DARS1: variants seen among roughly 807,000 people sequenced by gnomAD.
The protein encoded by DARS1 is aspartate--tRNA ligase, cytoplasmic.
Under a neutral mutation model 68.8 loss-of-function variants are expected in DARS1, and 51 were observed. The ratio of observed to expected loss-of-function variants is 0.74; its 90% CI spans 0.59 to 0.94. The LOEUF (loss-of-function observed/expected upper bound fraction) is 0.94. Among genes scored for constraint, DARS1 ranks in the 40% least tolerant of loss-of-function variants. The pLI is 0.00. For missense variants in DARS1, 607 were observed against 597.3 expected (o/e 1.02, Z -0.17); for synonymous variants, 203 against 190.4 (o/e 1.07, Z -0.55).
At chr2:135,913,137 TTTTC>T (rs956553785) in intron 12 of DARS1, among the ~76,000 whole-genome samples, 1 of 152,076 alleles carries the variant, frequency 6.6e-6, no homozygotes, top group East Asian at 1.9e-4. Flanking sequence ...ATTTTTACTT[TTTTC>T]TTTGTTATTC....
rs1374960097 is a variant in DARS1 at position 135,933,913 on chromosome 2, T to C, written c.501A>G (p.Glu167=). The C allele has an allele frequency of 6.2e-7, 1 of 1,612,558 alleles. No homozygotes were observed. Among genetic ancestry groups the C allele is most frequent in the Non-Finnish European group, 8.5e-7 (1 of 1,179,054 alleles). The change falls in exon 6 of 16, where the codon GAA becomes GAG. Residue 167 remains glutamate, a synonymous_variant. Transcript: ENST00000264161. Reference sequence around the variant, plus strand: ...ATTTCATAAGTATAATTTTTACCTCTTCTCCTTCTGCCTCAGGCCGAACAG... The same window carrying C: ...ATTTCATAAGTATAATTTTTACCTCCTCTCCTTCTGCCTCAGGCCGAACAG... ...DDAVRPEAEG[E]EEGRATVNQD...
At chr2:135,937,842 G>T (rs1381801605) in intron 5 of DARS1, among the ~76,000 whole-genome samples, 3 of 152,214 alleles carry the variant, frequency 2.0e-5, no homozygotes, top group Non-Finnish European at 4.4e-5. Context: ...GGCTTGTAAA[G>T]TTTCTGCCGA....
intron 4 of DARS1, among the ~76,000 whole-genome samples, chr2:135,954,247 G>C (rs1681910823): frequency 7.1e-6 from 1 of 140,972 alleles, no homozygotes; most frequent in Non-Finnish European, 1.5e-5. Flanking sequence ...GAATCTAAGA[G>C]ACCTTAGTCA....
intron 4 of DARS1, among the ~76,000 whole-genome samples, chr2:135,957,503 C>T (rs1682004814): frequency 6.6e-6 from 1 of 152,118 alleles, no homozygotes. Context: ...CAGGTATGAG[C>T]CACCACGCTC....
At chr2:135,912,645 A>G in intron 12 of DARS1, 79 bp from the exon 13 acceptor site, 1 of 615,682 alleles carries the variant, frequency 1.6e-6, no homozygotes, top group Non-Finnish European at 2.8e-6. Flanking sequence ...ACTTTATACA[A>G]AAATTTTGGT....
chr2:135,957,100 T>G (rs1475267458), intron 4 of DARS1, among the ~76,000 whole-genome samples: 1 of 152,152 alleles, frequency 6.6e-6, no homozygotes, highest in African/African-American at 2.4e-5. Flanking sequence ...AGTCTTGCTC[T>G]GTTGCCCAAG....
chr2:135,911,093 T>C (rs766145716), intron 15 of DARS1, 46 bp downstream of exon 15: 6 of 820,814 alleles, frequency 7.3e-6, no homozygotes, highest in Non-Finnish European at 1.2e-5. Context: ...ATTTGTATTA[T>C]ACTTAGAACT....
At position 135,907,238 on chromosome 2, in the gene DARS1, C is replaced by CTTTATTTTTTTT; in HGVS notation, c.*77_*78insAAAAAAAATAAA. ...AGGTTACTGAAAAGAATAAGTGTGG[C>CTTTATTTTTTTT]TTTCTTTTTTTTTTTTTTTTTTTGA... On this transcript the variant is annotated 3_prime_UTR_variant, in exon 16 of 16. Coordinates refer to ENST00000264161, the MANE Select transcript of DARS1 (RefSeq NM_001349.4). The CTTTATTTTTTTT allele has an allele frequency of 1.4e-6, 1 of 724,938 alleles. No homozygotes were observed. 44.9% of individuals were successfully genotyped at this position (724,938 alleles called of 1,614,324 possible).
At chr2:135,973,085 G>T (rs921349873) in intron 3 of DARS1, among the ~76,000 whole-genome samples, 16 of 152,204 alleles carry the variant, frequency 1.1e-4, no homozygotes, top group African/African-American at 3.9e-4. Flanking sequence ...ATACCCAAAA[G>T]AAAGGAAATC....
intron 7 of DARS1, 99 bp downstream of exon 7, chr2:135,932,684 C>T: frequency 4.2e-6 from 3 of 707,910 alleles, no homozygotes; most frequent in Non-Finnish European, 7.4e-6. Flanking sequence ...TACAGTCAGG[C>T]AAATACCATT....
upstream of DARS1, chr2:135,985,680 GTC>G: frequency 3.2e-6 from 4 of 1,267,394 alleles, no homozygotes; most frequent in Non-Finnish European, 4.2e-6. Context: ...CGCGCGCAGG[GTC>G]TCCTCCCACT....
chr2:135,922,065 T>C (rs1342357477), intron 9 of DARS1, among the ~76,000 whole-genome samples: 3 of 152,184 alleles, frequency 2.0e-5, no homozygotes, highest in Admixed American at 6.5e-5. Flanking sequence ...AAAAAAGAAT[T>C]TGCCACATGA....
At chr2:135,960,593 C>T (rs940780856) in intron 4 of DARS1, among the ~76,000 whole-genome samples, 2 of 152,112 alleles carry the variant, frequency 1.3e-5, no homozygotes, top group Admixed American at 6.5e-5. Context: ...AACACTTACA[C>T]ACTATGAAAT....
intron 7 of DARS1, among the ~76,000 whole-genome samples, chr2:135,926,315 T>C (rs1326475762): frequency 1.3e-5 from 2 of 152,242 alleles, no homozygotes; most frequent in African/African-American, 2.4e-5. Context: ...CACTTCCTGA[T>C]TGTACAAACA....
Position 135,910,608 on chromosome 2 carries a change from A to C in DARS1, c.1414+531T>G, listed in dbSNP as rs1221225150. Among the ~76,000 whole-genome samples the C allele has an allele frequency of 3.3e-5, 5 of 152,324 alleles. No individual in the cohort carries two copies. The East Asian group carries it at 9.6e-4, about 29-fold the overall frequency. ...CTGTCTCTCGACCAATTTTAATTTG[A>C]AAATTTTGTAAGTACATTTTGTATT... is the stretch of plus-strand genomic sequence containing the variant. On this transcript the variant is annotated intron_variant, in intron 15 of 15. Transcript: ENST00000264161.
chr2:135,931,989 T>C (rs943253624), intron 7 of DARS1, among the ~76,000 whole-genome samples: 3 of 152,146 alleles, frequency 2.0e-5, no homozygotes, highest in Non-Finnish European at 4.4e-5. Flanking sequence ...ATGAAAAACC[T>C]GAGGTTTCTA....
chr2:135,945,970 C>T (rs552572497), intron 4 of DARS1, among the ~76,000 whole-genome samples: 1 of 152,118 alleles, frequency 6.6e-6, no homozygotes, highest in East Asian at 1.9e-4. Flanking sequence ...ACAATTTAGC[C>T]CTATTATCTC....
rs148432856 is a variant in DARS1, at chr2:135,982,881, C to T, written c.124+516G>A. 5.0e-3 allele frequency among the ~76,000 whole-genome samples: 760 copies of T among 152,246 alleles called. 3 individuals are homozygous for T. Among genetic ancestry groups the T allele is most frequent in the African/African-American group, 0.015 (620 of 41,556 alleles). ...ACTCTGTGTAAGTCAAGTTTCTTATCTTTCAACTTTGGTTCCTTAGTTTTC... is the reference window on the plus strand; with the variant it reads ...ACTCTGTGTAAGTCAAGTTTCTTATTTTTCAACTTTGGTTCCTTAGTTTTC... On this transcript the variant is annotated intron_variant, in intron 2 of 15. Transcript: ENST00000264161.
chr2:135,950,594 G>A (rs1011155184), intron 4 of DARS1, among the ~76,000 whole-genome samples: 2 of 152,150 alleles, frequency 1.3e-5, no homozygotes, highest in African/African-American at 4.8e-5. Flanking sequence ...ATAACAGAAG[G>A]GTGGTAGAAT....
Sources: allele counts gnomAD v4.1 joint callset (sites outside exome capture counted in the v4.1 genomes callset), GRCh38; gene constraint gnomAD v4.1.1; transcripts MANE v1.5; gene names NCBI Gene and HGNC (gene_info 2026-07-23, HGNC 2026-07-21).